Variants in STAM2 observed in about 807,000 individuals in gnomAD.
STAM2 encodes signal transducing adapter molecule 2.
STAM2 carries 51 observed loss-of-function variants against 65.6 expected under a neutral mutation model. That is an observed-to-expected ratio of 0.78 (90% CI 0.62 to 0.98). The LOEUF (loss-of-function observed/expected upper bound fraction) is 0.98. STAM2 is among the 50% of genes least tolerant of loss of function. The pLI, the probability that STAM2 is intolerant of heterozygous loss-of-function variation, is 0.00. For missense variants in STAM2, 584 were observed against 617.8 expected (o/e 0.95, Z 0.58); for synonymous variants, 198 against 208.4 (o/e 0.95, Z 0.43).
At chr2:152,138,976 C>G (rs1157866876) in intron 7 of STAM2, among the ~76,000 whole-genome samples, 1 of 152,164 alleles carries the variant, frequency 6.6e-6, no homozygotes, top group Non-Finnish European at 1.5e-5. Flanking sequence ...CTCCCAGCCA[C>G]TACTACAAAC....
chr2:152,173,409 T>A (rs1481076981), intron 1 of STAM2, among the ~76,000 whole-genome samples: 2 of 149,354 alleles, frequency 1.3e-5, no homozygotes, highest in South Asian at 2.1e-4. Context: ...TATATATATT[T>A]TTTTTCGAGA....
chr2:152,147,224 T>C lies in STAM2; in HGVS notation c.385A>G (p.Ile129Val). ...TTCATAGATTTAATAGTTGCAGATA[T>C]CAGACTAAACTGAGGGTCCTTCTGA... Reference protein sequence around the residue: ...EFQKDPQFSLISATIKSMKEE... With the variant: ...EFQKDPQFSLVSATIKSMKEE... Residue 129 changes from isoleucine to valine, a missense_variant, in exon 5 of 14, where the codon ATA (isoleucine) becomes GTA (valine). Transcript: ENST00000263904. The C allele has an allele frequency of 5.6e-6, 9 of 1,612,012 alleles. No homozygotes were observed. Among genetic ancestry groups the C allele is most frequent in the Non-Finnish European group, 6.8e-6 (8 of 1,179,292 alleles).
At chr2:152,135,389 T>C (rs911422589) in intron 8 of STAM2, 120 bp downstream of exon 8, 12 of 712,314 alleles carry the variant, frequency 1.7e-5, no homozygotes, top group Non-Finnish European at 2.9e-5. Flanking sequence ...TTGTCATGCC[T>C]ATAAAGAAAT....
At position 152,147,224 on chromosome 2, in the gene STAM2, T is replaced by G; in HGVS notation, c.385A>C (p.Ile129Leu). 6.2e-7 allele frequency: 1 copy of G among 1,612,012 alleles called. No homozygotes were observed. The highest frequency in any genetic ancestry group is 8.5e-7 in the Non-Finnish European group (1 of 1,179,292). ...EFQKDPQFSL[I>L]SATIKSMKEE... The stretch of plus-strand genomic sequence containing the variant: ...TTCATAGATTTAATAGTTGCAGATA[T>G]CAGACTAAACTGAGGGTCCTTCTGA... The change falls in exon 5 of 14, where the codon ATA (isoleucine) becomes CTA (leucine). Residue 129 changes from isoleucine to leucine, a missense_variant. Transcript: ENST00000263904.
Position 152,148,301 on chromosome 2 carries a change from CTA to C in STAM2, c.126-3_126-2del. 1 of 1,582,848 alleles carries C rather than the reference CTA, an allele frequency of 6.3e-7. No individual in the cohort carries two copies. The highest frequency in any genetic ancestry group is 8.6e-7 in the Non-Finnish European group (1 of 1,166,690). ...TATGGCTTTTAGGCAATCTTTCGCT[CTA>C]AAAAAAAAAAGAGAGAGAGAGACAG... On this transcript the variant is annotated splice_acceptor_variant and splice_polypyrimidine_tract_variant and intron_variant, in intron 2 of 13. Coordinates refer to ENST00000263904, the MANE Select transcript of STAM2 (RefSeq NM_005843.6). LOFTEE classifies it high-confidence loss of function.
chr2:152,130,721 G>A lies in STAM2; in HGVS notation c.1025+1393C>T, dbSNP rs1221680766. Among the ~76,000 whole-genome samples the A allele has an allele frequency of 5.3e-5, 8 of 151,732 alleles. No homozygotes were observed. The East Asian group carries it at 1.4e-3, about 26-fold the overall frequency. On this transcript the variant is annotated intron_variant, in intron 11 of 13. Coordinates refer to ENST00000263904, the MANE Select transcript of STAM2 (RefSeq NM_005843.6). ...AAAAAAAAAAGCTGGGCATAAGGCT[G>A]GGTGCAGTGGCTCACACCTGTAATC...
At chr2:152,161,440 T>C (rs137883320) in intron 1 of STAM2, among the ~76,000 whole-genome samples, 3,164 of 148,240 alleles carry the variant, frequency 0.021, 61 homozygotes, top group Non-Finnish European at 0.03. Flanking sequence ...CCTCCACTAT[T>C]GTCCTGTGAC....
intron 7 of STAM2, 48 bp from the exon 8 acceptor site, chr2:152,135,651 C>A (rs773852013): frequency 1.6e-6 from 2 of 1,233,900 alleles, no homozygotes; most frequent in South Asian, 2.6e-5. Flanking sequence ...CATTTTAATA[C>A]AATAAGCAAA....
chr2:152,126,149 A>T lies in STAM2; in HGVS notation c.1179+77T>A, dbSNP rs765460652. On this transcript the variant is annotated intron_variant, in intron 12 of 13. Coordinates refer to ENST00000263904, the MANE Select transcript of STAM2 (RefSeq NM_005843.6). ...ATTCACAGACAAAAGAAATCTTAAT[A>T]CTATGCTATAAAACATTTTCTTTTA... 22 of 1,203,804 alleles carry T rather than the reference A, an allele frequency of 1.8e-5. No homozygotes were observed. The African/African-American group carries it at 3.3e-4, about 18-fold the overall frequency. The allele number at this position is 1,203,804 out of a possible 1,614,324, so 74.6% of individuals were successfully genotyped here. A position where few individuals can be genotyped will look rare whatever the true frequency, so the allele number is the denominator to read the frequency against.
intron 1 of STAM2, among the ~76,000 whole-genome samples, chr2:152,158,769 C>T (rs761030303): frequency 2.6e-5 from 4 of 152,190 alleles, no homozygotes; most frequent in South Asian, 2.1e-4. Flanking sequence ...TGGTCAGGGC[C>T]TTCTTACTGT....
rs549710448 is a variant in STAM2, at chr2:152,148,957, T to G, written c.126-657A>C. ...AAAAAATCTAACATGATATACAATT[T>G]TAAGAGGTTCAAGTATAAACATGTG... On this transcript the variant is annotated intron_variant, in intron 2 of 13. Coordinates refer to ENST00000263904, the MANE Select transcript of STAM2 (RefSeq NM_005843.6). 3.3e-5 allele frequency among the ~76,000 whole-genome samples: 5 copies of G among 152,292 alleles called. No individual in the cohort carries two copies. The South Asian group carries it at 1.0e-3, about 32-fold the overall frequency.
intron 12 of STAM2, 86 bp downstream of exon 12, chr2:152,126,140 A>T: frequency 9.1e-7 from 1 of 1,103,304 alleles, no homozygotes; most frequent in Non-Finnish European, 1.2e-6. Flanking sequence ...AGACAAAAGA[A>T]ATCTTAATAC....
chr2:152,120,771 A>T lies in STAM2; in HGVS notation c.1381T>A (p.Tyr461Asn). The T allele has an allele frequency of 6.2e-7, 1 of 1,614,184 alleles. No homozygotes were observed. The highest frequency in any genetic ancestry group is 8.5e-7 in the Non-Finnish European group (1 of 1,180,030). ...TGTAGGTTAGAGTTCTGGTTCATATAAGTAGGATTGGAAACAGTGTCTTGT... is the reference window on the plus strand; with the variant it reads ...TGTAGGTTAGAGTTCTGGTTCATATTAGTAGGATTGGAAACAGTGTCTTGT... Reference protein sequence around the residue: ...TGQDTVSNPTYMNQNSNLQSA... With the variant: ...TGQDTVSNPTNMNQNSNLQSA... The change falls in exon 14 of 14, where the codon TAT becomes AAT. Residue 461 changes from tyrosine to asparagine, a missense_variant. Physicochemically the swap from Tyr to Asn is moderately radical, Grantham distance 143. Coordinates refer to ENST00000263904, the MANE Select transcript of STAM2 (RefSeq NM_005843.6).
intron 11 of STAM2, 176 bp downstream of exon 11, chr2:152,131,938 A>G (rs929931473): frequency 3.5e-6 from 2 of 566,414 alleles, no homozygotes; most frequent in African/African-American, 3.8e-5. Flanking sequence ...TTTTAGAAAA[A>G]CAAAAACAAG....
intron 12 of STAM2, chr2:152,124,263 T>TTTTTTAATG: frequency 4.5e-6 from 1 of 222,660 alleles, no homozygotes; most frequent in South Asian, 7.9e-5. Context: ...CACAGAAAAC[T>TTTTTTAATG]ATACACTCCC....
In STAM2 at chr2:152,120,066, A is replaced by G. The variant is rs1382039357; in HGVS notation, c.*508T>C. On this transcript the variant is annotated 3_prime_UTR_variant, in exon 14 of 14. Transcript: ENST00000263904. ...AGTTAGACTTTTAAAGTGTGTGAGAAACTCTGAAAAAAATATTTCAAGTTC... is the reference window on the plus strand; with the variant it reads ...AGTTAGACTTTTAAAGTGTGTGAGAGACTCTGAAAAAAATATTTCAAGTTC... The G allele has an allele frequency of 6.5e-6, 1 of 153,474 alleles. No homozygotes were observed. The highest frequency in any genetic ancestry group is 1.5e-5 in the Non-Finnish European group (1 of 68,714). The allele number at this position is 153,474 out of a possible 1,614,324, so 9.5% of individuals were successfully genotyped here. A position where few individuals can be genotyped will look rare whatever the true frequency, so the allele number is the denominator to read the frequency against.
chr2:152,136,618 G>C (rs199873212), intron 7 of STAM2, among the ~76,000 whole-genome samples: 2 of 2,222 alleles, frequency 9.0e-4, no homozygotes, highest in Admixed American at 0.014. Context: ...AGTCCATATA[G>C]AAACAGACAC....
chr2:152,141,334 G>C (rs1214962807), intron 7 of STAM2, among the ~76,000 whole-genome samples: 1 of 151,880 alleles, frequency 6.6e-6, no homozygotes, highest in Non-Finnish European at 1.5e-5. Context: ...TCAGGAGTTT[G>C]AGATCAGCCT....
chr2:152,124,196 T>C (rs1453988061), intron 12 of STAM2: 7 of 400,674 alleles, frequency 1.7e-5, no homozygotes, highest in Non-Finnish European at 3.2e-5. Flanking sequence ...TTTTAAGTAG[T>C]GGATTGCAAT....
Sources: gnomAD v4.1 joint callset for allele counts (sites outside exome capture counted in the v4.1 genomes callset) on GRCh38, gnomAD v4.1.1 for gene constraint, MANE v1.5 for transcripts, NCBI Gene and HGNC (gene_info 2026-07-23, HGNC 2026-07-21) for gene names.